Variants in SGCD observed in about 807,000 individuals in gnomAD.
SGCD encodes sarcoglycan delta.
In SGCD, 18 loss-of-function variants were observed where a neutral mutation model predicts 36.6. That is an observed-to-expected ratio of 0.49 (90% confidence interval 0.34 to 0.73). The LOEUF is 0.73. Ranked by LOEUF, SGCD falls within the 30% of genes least tolerant of loss-of-function variation. The pLI, the probability that SGCD is intolerant of heterozygous loss-of-function variation, is 0.01. For synonymous variants in SGCD, 133 were observed against 130.6 expected (o/e 1.02, Z -0.12); for missense variants, 387 against 346.7 (o/e 1.12, Z -0.92).
chr5:156,590,568 G>A (rs927218475), intron 5 of SGCD, among the ~76,000 whole-genome samples: 1 of 152,116 alleles, frequency 6.6e-6, no homozygotes, highest in Non-Finnish European at 1.5e-5. Flanking sequence ...CTCCAGGAGG[G>A]TAATAAATCC....
chr5:156,459,475 C>T (rs561915033), intron 3 of SGCD, among the ~76,000 whole-genome samples: 1 of 152,248 alleles, frequency 6.6e-6, no homozygotes, highest in East Asian at 1.9e-4. Flanking sequence ...CCCATTTTGC[C>T]TGTGTCTTGG....
intron 3 of SGCD, among the ~76,000 whole-genome samples, chr5:156,200,445 G>A (rs1764119273): frequency 6.6e-6 from 1 of 152,096 alleles, no homozygotes; most frequent in Non-Finnish European, 1.5e-5. Flanking sequence ...ATGATGCTGG[G>A]AAAACTGGAT....
the SGCD span, among the ~76,000 whole-genome samples, chr5:155,794,278 AT>A: frequency 6.6e-6 from 1 of 152,170 alleles, no homozygotes; most frequent in Non-Finnish European, 1.5e-5. Context: ...AACGTCTATA[AT>A]TTTTAATATA....
the SGCD span, among the ~76,000 whole-genome samples, chr5:155,792,644 A>T: frequency 5.9e-5 from 9 of 152,160 alleles, no homozygotes; most frequent in African/African-American, 2.2e-4. Context: ...GCCAACAAAC[A>T]TATGAAAAAA....
At chr5:156,393,721 A>C (rs1484234030) in intron 3 of SGCD, 3 of 456,082 alleles carry the variant, frequency 6.6e-6, no homozygotes, top group East Asian at 1.4e-4. Flanking sequence ...TTACTAACAA[A>C]GTGCTGTCTT....
At chr5:156,206,783 T>TAA (rs1254763646) in intron 3 of SGCD, among the ~76,000 whole-genome samples, 1 of 152,012 alleles carries the variant, frequency 6.6e-6, no homozygotes, top group Non-Finnish European at 1.5e-5. Context: ...TGAGGATTTG[T>TAA]ATGGCATAGA....
At chr5:156,368,279 G>A (rs373081264) in intron 3 of SGCD, among the ~76,000 whole-genome samples, 3 of 151,918 alleles carry the variant, frequency 2.0e-5, no homozygotes, top group East Asian at 1.9e-4. Context: ...TTTTAGTAGC[G>A]ACCGAGTTTC....
At chr5:156,720,685 G>A (rs1287596903) in intron 7 of SGCD, among the ~76,000 whole-genome samples, 1 of 152,066 alleles carries the variant, frequency 6.6e-6, no homozygotes, top group Non-Finnish European at 1.5e-5. Context: ...CCCAGCAGAG[G>A]GCCTGTACTC....
At chr5:155,842,273 CA>C in the SGCD span, among the ~76,000 whole-genome samples, 14 of 139,334 alleles carry the variant, frequency 1.0e-4, no homozygotes, top group Non-Finnish European at 1.5e-4. Context: ...TTCTAATAGC[CA>C]AAAAAAAGAT....
intron 3 of SGCD, among the ~76,000 whole-genome samples, chr5:156,187,241 G>C (rs1351656961): frequency 6.6e-6 from 1 of 152,062 alleles, no homozygotes; most frequent in Non-Finnish European, 1.5e-5. Context: ...GCTTCATGGA[G>C]GGCATGGAGT....
At chr5:155,991,653 G>A (rs1758434261) in intron 1 of SGCD, among the ~76,000 whole-genome samples, 1 of 152,190 alleles carries the variant, frequency 6.6e-6, no homozygotes, top group Non-Finnish European at 1.5e-5. Flanking sequence ...GATGCTCGAT[G>A]TGTGTTGATA....
At chr5:156,636,704 C>A (rs1762837482) in intron 6 of SGCD, among the ~76,000 whole-genome samples, 2 of 152,128 alleles carry the variant, frequency 1.3e-5, no homozygotes, top group South Asian at 4.1e-4. Flanking sequence ...GAAAACCCAG[C>A]CCCACTCAGC....
At chr5:155,742,078 G>A in the SGCD span, among the ~76,000 whole-genome samples, 1 of 152,090 alleles carries the variant, frequency 6.6e-6, no homozygotes, top group East Asian at 1.9e-4. Flanking sequence ...TTTATTTTTG[G>A]TATACAAAGT....
the SGCD span, among the ~76,000 whole-genome samples, chr5:155,793,563 A>C: frequency 1.3e-5 from 2 of 150,228 alleles, no homozygotes; most frequent in South Asian, 2.1e-4. Flanking sequence ...TTTTTAAGAG[A>C]TGGAGTCTTG....
chr5:156,150,179 T>G (rs1364834869), intron 3 of SGCD, among the ~76,000 whole-genome samples: 1 of 152,070 alleles, frequency 6.6e-6, no homozygotes, highest in Non-Finnish European at 1.5e-5. Flanking sequence ...CAGTTCTGTC[T>G]ACTCTTTTTG....
At chr5:155,773,138 G>A in the SGCD span, among the ~76,000 whole-genome samples, 1,421 of 152,154 alleles carry the variant, frequency 9.3e-3, 20 homozygotes, top group African/African-American at 0.033. Context: ...CTAGTGTGTG[G>A]AACTCCCTAC....
chr5:156,159,679 A>T (rs1296950286), intron 3 of SGCD, among the ~76,000 whole-genome samples: 3 of 151,698 alleles, frequency 2.0e-5, no homozygotes, highest in Non-Finnish European at 4.4e-5. Context: ...ATAGAAAAGT[A>T]TCTACAGGAA....
the SGCD span, among the ~76,000 whole-genome samples, chr5:155,734,130 TATTA>T: frequency 6.8e-5 from 10 of 147,554 alleles, no homozygotes; most frequent in Non-Finnish European, 1.5e-4. Context: ...TTGTTACTGA[TATTA>T]ATTATATTAA....
At chr5:156,012,683 G>A (rs889511597) in intron 1 of SGCD, among the ~76,000 whole-genome samples, 29 of 150,884 alleles carry the variant, frequency 1.9e-4, no homozygotes, top group African/African-American at 7.1e-4. Context: ...TGGGATCTTG[G>A]CTCACTGCAA....
Sources: gnomAD v4.1 joint callset for allele counts (sites outside exome capture counted in the v4.1 genomes callset) on GRCh38, gnomAD v4.1.1 for gene constraint, MANE v1.5 for transcripts, NCBI Gene and HGNC (gene_info 2026-07-23, HGNC 2026-07-21) for gene names.